The following CHTF8 variants were observed in gnomAD, a reference collection of about 807,000 sequenced individuals.
CHTF8 encodes the protein chromosome transmission fidelity protein 8 homolog.
Under a neutral mutation model 11.0 loss-of-function variants are expected in CHTF8, and 6 were observed. That is an observed-to-expected ratio of 0.55 (90% CI 0.30 to 1.08). CHTF8 has a LOEUF of 1.08. Among genes scored for constraint, CHTF8 ranks in the 50% least tolerant of loss-of-function variants. CHTF8 has a pLI of 0.07. For missense variants in CHTF8, 140 were observed against 153.1 expected, an observed-to-expected ratio of 0.91 and a Z score of 0.45; for synonymous variants, 53 against 60.5, an observed-to-expected ratio of 0.88 and a Z score of 0.57.
intron 1 of CHTF8, among the ~76,000 whole-genome samples, chr16:69,123,665 C>A (rs996071463): frequency 2.6e-5 from 4 of 152,166 alleles, no homozygotes; most frequent in Admixed American, 2.0e-4. Context: ...ATCAATCAAT[C>A]AATAAATCCA....
Position 69,120,693 on chromosome 16 carries a change from G to A in CHTF8, c.142-44C>T. ...GAGATTCCTGAGGTTCCGGGGCAAG[G>A]CCATAACACTCAGGCGCCTCCTAAA... On this transcript the variant is annotated intron_variant, in intron 3 of 3. Coordinates refer to ENST00000448552, the MANE Select transcript of CHTF8 (RefSeq NM_001039690.5). The surrounding 1 kb of genome is among the most constrained non-coding windows in gnomAD (Gnocchi z 4.0). The A allele has an allele frequency of 1.3e-6, 2 of 1,539,524 alleles. No homozygotes were observed. Among genetic ancestry groups the A allele is most frequent in the Non-Finnish European group, 1.8e-6 (2 of 1,121,820 alleles).
At chr16:69,125,582 A>T (rs554437966) in intron 1 of CHTF8, among the ~76,000 whole-genome samples, 1 of 152,242 alleles carries the variant, frequency 6.6e-6, no homozygotes, top group African/African-American at 2.4e-5. Context: ...GCAATATGGA[A>T]TCAAGAGAGC....
intron 1 of CHTF8, among the ~76,000 whole-genome samples, chr16:69,122,703 G>A (rs1234350480): frequency 6.6e-6 from 1 of 152,022 alleles, no homozygotes; most frequent in Non-Finnish European, 1.5e-5. Flanking sequence ...CACCATGCCT[G>A]GCTAATTTTT....
rs537896421 is a variant in CHTF8 at position 69,119,558 on chromosome 16, A to C, written c.*867T>G. The C allele has an allele frequency of 1.7e-5, 12 of 702,794 alleles. No homozygotes were observed. The highest frequency in any genetic ancestry group is 8.7e-5 in the African/African-American group (5 of 57,336). 43.5% of individuals were successfully genotyped at this position (702,794 alleles called of 1,614,324 possible). On this transcript the variant is annotated 3_prime_UTR_variant, in exon 4 of 4. Coordinates refer to ENST00000448552, the MANE Select transcript of CHTF8 (RefSeq NM_001039690.5). Reference sequence around the variant, plus strand: ...ATGTTTCCAGAAGCCTGTGAGAAAGAAGCTGAATTTGCTCCTAAAAGACCT... The same window carrying C: ...ATGTTTCCAGAAGCCTGTGAGAAAGCAGCTGAATTTGCTCCTAAAAGACCT...
rs765215470 is a variant in CHTF8, at chr16:69,119,854, G to T, written c.*571C>A. 4.3e-6 allele frequency: 3 copies of T among 701,356 alleles called. No individual in the cohort carries two copies. The South Asian group carries it at 4.4e-5, about 10-fold the overall frequency. The allele number at this position is 701,356 out of a possible 1,614,324, so 43.4% of individuals were successfully genotyped here. The stretch of plus-strand genomic sequence containing the variant: ...AGGATTGGGAGGACCATTCCCAGAG[G>T]TTAACAGAACACCGGCTCTCAGGTT... On this transcript the variant is annotated 3_prime_UTR_variant, in exon 4 of 4. Transcript: ENST00000448552.
Position 69,121,429 on chromosome 16 carries a change from T to C in CHTF8, c.23+7A>G. On this transcript the variant is annotated splice_region_variant and intron_variant, in intron 2 of 3. Coordinates refer to ENST00000448552, the MANE Select transcript of CHTF8 (RefSeq NM_001039690.5). ...AGCCAAATTTTAAAATCTCAAAATG[T>C]ACTTACCTGGAAATAACAATTTGCA... 2 of 1,606,632 alleles carry C rather than the reference T, an allele frequency of 1.2e-6. No homozygotes were observed. Among genetic ancestry groups the C allele is most frequent in the South Asian group, 2.2e-5 (2 of 89,514 alleles).
chr16:69,118,129 C>CCCCA lies in CHTF8; in HGVS notation c.*2292_*2295dup. The CCCCA allele has an allele frequency of 5.5e-6, 2 of 364,368 alleles. No individual in the cohort carries two copies. Among genetic ancestry groups the CCCCA allele is most frequent in the South Asian group, 4.8e-5 (1 of 20,774 alleles). 22.6% of individuals were successfully genotyped at this position (364,368 alleles called of 1,614,324 possible). ...GTGATTTCTTCCCTTCATCCCCCAC[C>CCCCA]CCCACCCTAATTCCCATATTCCCAT... On this transcript the variant is annotated 3_prime_UTR_variant, in exon 4 of 4. Transcript: ENST00000448552.
Position 69,118,664 on chromosome 16 carries a change from G to A in CHTF8, c.*1761C>T. 1 of 685,938 alleles carries A rather than the reference G, an allele frequency of 1.5e-6. No homozygotes were observed. Among genetic ancestry groups the A allele is most frequent in the South Asian group, 1.5e-5 (1 of 65,512 alleles). 42.5% of individuals were successfully genotyped at this position (685,938 alleles called of 1,614,324 possible). A position where few individuals can be genotyped will look rare whatever the true frequency, so the allele number is the denominator to read the frequency against. On this transcript the variant is annotated 3_prime_UTR_variant, in exon 4 of 4. Transcript: ENST00000448552. ...GGCAGGATTATTCCCACCTGCCACA[G>A]TTCACATGCCACAAATAACATCTCA...
chr16:69,128,785 G>T (rs149031057), intron 1 of CHTF8, among the ~76,000 whole-genome samples: 1 of 152,070 alleles, frequency 6.6e-6, no homozygotes, highest in Non-Finnish European at 1.5e-5. Flanking sequence ...TAAAAAACCC[G>T]CCAGGCACGG....
chr16:69,131,703 CTGGAG>C (rs902471726), intron 1 of CHTF8, among the ~76,000 whole-genome samples: 1 of 151,324 alleles, frequency 6.6e-6, no homozygotes, highest in African/African-American at 2.4e-5. Context: ...ACACCACCCA[CTGGAG>C]TGGTCTTCCA....
At chr16:69,122,213 T>C (rs957630242) in intron 1 of CHTF8, among the ~76,000 whole-genome samples, 1 of 152,222 alleles carries the variant, frequency 6.6e-6, no homozygotes, top group African/African-American at 2.4e-5. Flanking sequence ...ACATATGAGA[T>C]AGGGTTGCTT....
chr16:69,124,874 CCAAA>C (rs926139888), intron 1 of CHTF8, among the ~76,000 whole-genome samples: 7 of 152,018 alleles, frequency 4.6e-5, no homozygotes, highest in African/African-American at 1.7e-4. Flanking sequence ...TCCTAGAGCA[CCAAA>C]CACTTTGGGA....
rs761175106 is a variant in CHTF8, at chr16:69,132,582, T to C, written c.-134A>G. 2.2e-5 allele frequency: 9 copies of C among 407,250 alleles called. No individual in the cohort carries two copies. The highest frequency in any genetic ancestry group is 1.3e-4 in the South Asian group (8 of 60,738). The allele number at this position is 407,250 out of a possible 1,614,324, so 25.2% of individuals were successfully genotyped here. On this transcript the variant is annotated 5_prime_UTR_variant, in exon 1 of 4. Transcript: ENST00000448552. ...CCGCCGCGAGCACTGCCTGCGCACT[T>C]CCGACTATGCGCCAGGAGCACTTCC...
rs920523309 is a variant in CHTF8 at position 69,119,133 on chromosome 16, G to A, written c.*1292C>T. On this transcript the variant is annotated 3_prime_UTR_variant, in exon 4 of 4. Transcript: ENST00000448552. The stretch of plus-strand genomic sequence containing the variant: ...AAGTAACTTGACCAGGGCCTAATGG[G>A]CCAGTAGACCTTGGGAAGGTAGTTG... The A allele has an allele frequency of 5.7e-6, 4 of 702,942 alleles. No homozygotes were observed. The highest frequency in any genetic ancestry group is 5.2e-5 in the African/African-American group (3 of 57,280). 43.5% of individuals were successfully genotyped at this position (702,942 alleles called of 1,614,324 possible). A position where few individuals can be genotyped will look rare whatever the true frequency, so the allele number is the denominator to read the frequency against.
chr16:69,122,539 A>G (rs1211478888), intron 1 of CHTF8, among the ~76,000 whole-genome samples: 1 of 130,746 alleles, frequency 7.6e-6, no homozygotes, highest in Admixed American at 7.7e-5. Flanking sequence ...TACCCAGCTA[A>G]TTTTTTTTTT....
At chr16:69,127,785 T>C (rs182626677) in intron 1 of CHTF8, among the ~76,000 whole-genome samples, 1 of 151,868 alleles carries the variant, frequency 6.6e-6, no homozygotes, top group Non-Finnish European at 1.5e-5. Flanking sequence ...ACTTTTTGTA[T>C]TTTTAGTAGA....
At chr16:69,132,319 C>CCCCCGCCCGCGCT (rs961529761) in intron 1 of CHTF8, among the ~76,000 whole-genome samples, 165 bp downstream of exon 1, 7 of 147,292 alleles carry the variant, frequency 4.8e-5, no homozygotes, top group Non-Finnish European at 1.1e-4. Context: ...GGCCACCCCT[C>CCCCCGCCCGCGCT]CCCCGCCCGC....
At position 69,119,606 on chromosome 16, in the gene CHTF8, G is replaced by A; in HGVS notation, c.*819C>T. ...CCTGCTGCTCTTAGAATGGGGGCAA[G>A]ATCGAGGCCTTGAGGTCCAGCCATT... On this transcript the variant is annotated 3_prime_UTR_variant, in exon 4 of 4. Transcript: ENST00000448552. The A allele has an allele frequency of 1.4e-6, 1 of 698,390 alleles. No homozygotes were observed. The highest frequency in any genetic ancestry group is 2.6e-6 in the Non-Finnish European group (1 of 382,162). The allele number at this position is 698,390 out of a possible 1,614,324, so 43.3% of individuals were successfully genotyped here.
At position 69,118,121 on chromosome 16, in the gene CHTF8, T is replaced by TCCCCCCCCCC; in HGVS notation, c.*2303_*2304insGGGGGGGGGG. On this transcript the variant is annotated 3_prime_UTR_variant, in exon 4 of 4. Coordinates refer to ENST00000448552, the MANE Select transcript of CHTF8 (RefSeq NM_001039690.5). ...AAAGCACAGTGATTTCTTCCCTTCATCCCCCACCCCCACCCTAATTCCCAT... is the reference window on the plus strand; with the variant it reads ...AAAGCACAGTGATTTCTTCCCTTCATCCCCCCCCCCCCCCCACCCCCACCCTAATTCCCAT... The TCCCCCCCCCC allele has an allele frequency of 4.3e-6, 2 of 462,570 alleles. No homozygotes were observed. Among genetic ancestry groups the TCCCCCCCCCC allele is most frequent in the Non-Finnish European group, 3.9e-6 (1 of 255,620 alleles). The allele number at this position is 462,570 out of a possible 1,614,324, so 28.7% of individuals were successfully genotyped here.
Sources: allele counts gnomAD v4.1 joint callset (sites outside exome capture counted in the v4.1 genomes callset), GRCh38; gene constraint gnomAD v4.1.1; non-coding constraint Gnocchi (gnomAD v3.1); transcripts MANE v1.5; gene names NCBI Gene and HGNC (gene_info 2026-07-23, HGNC 2026-07-21).